NCKAP5: variants seen among roughly 807,000 people sequenced by gnomAD.
NCKAP5 encodes the protein nck-associated protein 5.
In NCKAP5, 92 loss-of-function variants were observed where a neutral mutation model predicts 167.0. The ratio of observed to expected loss-of-function variants is 0.55; its 90% confidence interval spans 0.47 to 0.66. NCKAP5 has a LOEUF of 0.66. Ranked by LOEUF, NCKAP5 falls within the 30% of genes least tolerant of loss-of-function variation. The pLI is 0.00. For missense variants in NCKAP5, 2,378 were observed against 2,315.0 expected (o/e 1.03, Z -0.56); for synonymous variants, 891 against 877.4 (o/e 1.02, Z -0.27).
intron 3 of NCKAP5, among the ~76,000 whole-genome samples, chr2:133,337,016 T>A (rs1448287800): frequency 6.6e-6 from 1 of 152,192 alleles, no homozygotes; most frequent in Non-Finnish European, 1.5e-5. Flanking sequence ...ACAAACATTG[T>A]CAGATCCTTT....
chr2:133,150,891 C>T (rs1170214090), intron 5 of NCKAP5, among the ~76,000 whole-genome samples: 1 of 152,126 alleles, frequency 6.6e-6, no homozygotes, highest in East Asian at 1.9e-4. Context: ...TAATAGCATA[C>T]AGCAATGAAC....
At chr2:133,426,981 G>A (rs1689850736) in intron 3 of NCKAP5, among the ~76,000 whole-genome samples, 2 of 152,174 alleles carry the variant, frequency 1.3e-5, no homozygotes, top group Non-Finnish European at 1.5e-5. Context: ...TGGGAGGGTA[G>A]CCAGGAAAGG....
intron 8 of NCKAP5, among the ~76,000 whole-genome samples, chr2:132,939,332 TTTTA>T (rs760669687): frequency 3.9e-5 from 6 of 152,070 alleles, no homozygotes; most frequent in Non-Finnish European, 7.4e-5. Flanking sequence ...TTACTGAAAA[TTTTA>T]TTGGATGTCA....
At chr2:133,135,176 G>A (rs184654455) in intron 5 of NCKAP5, among the ~76,000 whole-genome samples, 8 of 152,338 alleles carry the variant, frequency 5.3e-5, no homozygotes, top group Admixed American at 1.3e-4. Context: ...GAAAGTGACG[G>A]AAACTGATTT....
chr2:133,463,324 T>C (rs1411068340), intron 3 of NCKAP5, among the ~76,000 whole-genome samples: 1 of 152,220 alleles, frequency 6.6e-6, no homozygotes, highest in Non-Finnish European at 1.5e-5. Context: ...GCATGCATAT[T>C]GTAGCAAATG....
chr2:133,506,501 C>T (rs931432098), intron 3 of NCKAP5, among the ~76,000 whole-genome samples: 1 of 152,120 alleles, frequency 6.6e-6, no homozygotes, highest in African/African-American at 2.4e-5. Flanking sequence ...CCAGTGGAGG[C>T]ACCAACAGGG....
chr2:133,574,511 C>G, the NCKAP5 span, among the ~76,000 whole-genome samples: 22 of 151,858 alleles, frequency 1.4e-4, 1 homozygote, highest in Middle Eastern at 0.014. Context: ...GTTGAGAAAG[C>G]TTTTTAGTTA....
chr2:133,017,320 G>C (rs1173129823), intron 6 of NCKAP5, among the ~76,000 whole-genome samples: 1 of 152,142 alleles, frequency 6.6e-6, no homozygotes. Context: ...GGAAACCCTT[G>C]GGTATGCAGA....
In NCKAP5 at chr2:133,169,386, C is replaced by T. The variant is rs554312121; in HGVS notation, c.208-39275G>A. 1.3e-4 allele frequency among the ~76,000 whole-genome samples: 20 copies of T among 152,298 alleles called. No homozygotes were observed. In the East Asian group the frequency reaches 3.7e-3, roughly 28 times the overall value. On this transcript the variant is annotated intron_variant, in intron 5 of 19. Coordinates refer to ENST00000409261, the MANE Select transcript of NCKAP5 (RefSeq NM_207363.3). ...GTCCAATTGCACAGACAAAGCAGTG[C>T]ATCTGTTTCCCTTTCAAGACAGCTC... is the stretch of plus-strand genomic sequence containing the variant.
chr2:133,315,147 A>G (rs1192579258), intron 3 of NCKAP5, among the ~76,000 whole-genome samples: 1 of 152,106 alleles, frequency 6.6e-6, no homozygotes, highest in Non-Finnish European at 1.5e-5. Flanking sequence ...TTAAGTCTTG[A>G]ATGGATCCTT....
At chr2:133,219,585 ATTCCCTTTT>A (rs1482896321) in intron 4 of NCKAP5, among the ~76,000 whole-genome samples, 1 of 152,172 alleles carries the variant, frequency 6.6e-6, no homozygotes, top group African/African-American at 2.4e-5. Flanking sequence ...TCTGAATTAT[ATTCCCTTTT>A]AAAAGTGGGT....
chr2:132,966,629 T>C (rs1283495804), intron 7 of NCKAP5, among the ~76,000 whole-genome samples: 1 of 152,212 alleles, frequency 6.6e-6, no homozygotes, highest in Non-Finnish European at 1.5e-5. Flanking sequence ...TGGTCACATT[T>C]TCATTAACCA....
chr2:132,794,657 A>ACACACACACACG (rs1684431951), intron 12 of NCKAP5, among the ~76,000 whole-genome samples: 1 of 143,750 alleles, frequency 7.0e-6, no homozygotes, highest in East Asian at 2.0e-4. Flanking sequence ...ATACACACAC[A>ACACACACACACG]CACACACACA....
chr2:133,131,261 A>C (rs1485869684), intron 5 of NCKAP5, among the ~76,000 whole-genome samples: 1 of 152,076 alleles, frequency 6.6e-6, no homozygotes, highest in Non-Finnish European at 1.5e-5. Context: ...CCTTTGTTCC[A>C]GCGTGAAAAG....
At chr2:132,690,544 G>T (rs527651087) in intron 19 of NCKAP5, among the ~76,000 whole-genome samples, 1 of 152,180 alleles carries the variant, frequency 6.6e-6, no homozygotes, top group East Asian at 1.9e-4. Context: ...GCTCTTGCTT[G>T]TATCAATTAG....
intron 5 of NCKAP5, among the ~76,000 whole-genome samples, chr2:133,137,251 T>C (rs973551519): frequency 9.2e-5 from 14 of 152,294 alleles, no homozygotes; most frequent in African/African-American, 3.4e-4. Flanking sequence ...GATTGATTTT[T>C]TAAAAACCCG....
In NCKAP5 at chr2:133,420,611, G is replaced by C. The variant is rs536776989; in HGVS notation, c.69+96847C>G. 2.0e-5 allele frequency among the ~76,000 whole-genome samples: 3 copies of C among 152,272 alleles called. No individual in the cohort carries two copies. In the East Asian group the frequency reaches 5.8e-4, roughly 29 times the overall value. On this transcript the variant is annotated intron_variant, in intron 3 of 19. Transcript: ENST00000409261. ...ATGTAAATTATATCTCAATAAAAAT[G>C]TTACTTCAAAAAGATAAAATAGGAT...
intron 3 of NCKAP5, among the ~76,000 whole-genome samples, chr2:133,516,040 C>G (rs1683957933): frequency 6.6e-6 from 1 of 152,160 alleles, no homozygotes; most frequent in African/African-American, 2.4e-5. Flanking sequence ...GCTTTGGGGA[C>G]CAACCAATAC....
intron 6 of NCKAP5, among the ~76,000 whole-genome samples, chr2:133,068,767 T>C (rs1180884942): frequency 1.3e-5 from 2 of 152,212 alleles, no homozygotes; most frequent in African/African-American, 4.8e-5. Flanking sequence ...AATTTGTCTA[T>C]TACCCCAAGA....
Sources: allele counts gnomAD v4.1 joint callset (sites outside exome capture counted in the v4.1 genomes callset), GRCh38; gene constraint gnomAD v4.1.1; transcripts MANE v1.5; gene names NCBI Gene and HGNC (gene_info 2026-07-23, HGNC 2026-07-21).